The following GOLGA7 variants were observed in gnomAD, a reference collection of about 807,000 sequenced individuals.
GOLGA7 encodes golgin subfamily A member 7.
A neutral mutation model predicts 21.1 loss-of-function variants in GOLGA7; 10 were observed. That is an observed-to-expected ratio of 0.47 (90% CI 0.29 to 0.80). GOLGA7 has a LOEUF of 0.80. GOLGA7 is among the 30% of genes least tolerant of loss of function. GOLGA7 has a pLI of 0.08. For synonymous variants in GOLGA7, 64 were observed against 62.6 expected, an observed-to-expected ratio of 1.02 and a Z score of -0.10; for missense variants, 114 against 166.8, an observed-to-expected ratio of 0.68 and a Z score of 1.74.
chr8:41,497,503 C>T lies in GOLGA7; in HGVS notation c.112-6C>T. 6.9e-7 allele frequency: 1 copy of T among 1,458,304 alleles called. No homozygotes were observed. The allele number at this position is 1,458,304 out of a possible 1,614,324, so 90.3% of individuals were successfully genotyped here. A position where few individuals can be genotyped will look rare whatever the true frequency, so the allele number is the denominator to read the frequency against. On this transcript the variant is annotated splice_region_variant and splice_polypyrimidine_tract_variant and intron_variant, in intron 1 of 4. Coordinates refer to ENST00000357743, the MANE Select transcript of GOLGA7 (RefSeq NM_001002296.2). ...ACTTAATTTTTAAATATTTTCTTCT[C>T]TACAGATTGATAGGCAGCAGTTTGA...
In GOLGA7 at chr8:41,490,936, A is replaced by C. The variant is rs1447396055; in HGVS notation, c.82A>C (p.Thr28Pro). 1 of 1,592,644 alleles carries C rather than the reference A, an allele frequency of 6.3e-7. No homozygotes were observed. Residue 28 changes from threonine (T) to proline (P), a missense_variant, in exon 1 of 5, where the codon ACC (threonine) becomes CCC (proline). By Grantham distance (38) the Thr-to-Pro change is conservative. Transcript: ENST00000357743. ...CAGTGGCACACGCTGCCAGTTCCAG[A>C]CCAAGTTCCCTGCGGAGCTGGAGAA... ...YSSGTRCQFQ[T>P]KFPAELENRI... is the part of the protein sequence containing the mutation.
Position 41,504,475 on chromosome 8 carries a change from G to A in GOLGA7, c.265-1436G>A, listed in dbSNP as rs1806233940. ...GATGATTGACAAACTCTGATGTGAA[G>A]ATAGTGCCTAAGGGGGTTTTTTTGC... On this transcript the variant is annotated intron_variant, in intron 2 of 4. Transcript: ENST00000357743. Among the ~76,000 whole-genome samples the A allele has an allele frequency of 2.0e-5, 3 of 152,280 alleles. No homozygotes were observed. In the South Asian group the frequency reaches 6.2e-4, roughly 32 times the overall value.
chr8:41,499,414 G>A (rs1403081512), intron 2 of GOLGA7, among the ~76,000 whole-genome samples: 2 of 152,226 alleles, frequency 1.3e-5, no homozygotes. Context: ...TGGTGTACCA[G>A]AAGAATCGGA....
At chr8:41,500,695 A>G (rs1293309336) in intron 2 of GOLGA7, among the ~76,000 whole-genome samples, 1 of 152,152 alleles carries the variant, frequency 6.6e-6, no homozygotes, top group African/African-American at 2.4e-5. Context: ...CTCTCAGAGT[A>G]TTGGGATTAA....
At chr8:41,508,311 T>C (rs967074762) in intron 4 of GOLGA7, among the ~76,000 whole-genome samples, 17 of 152,240 alleles carry the variant, frequency 1.1e-4, no homozygotes, top group Non-Finnish European at 2.5e-4. Context: ...TATTCAATCC[T>C]GTAAGCCATG....
intron 2 of GOLGA7, among the ~76,000 whole-genome samples, chr8:41,505,374 A>G (rs1469343860): frequency 2.0e-5 from 3 of 152,242 alleles, no homozygotes; most frequent in African/African-American, 7.2e-5. Flanking sequence ...TACAAAGGAA[A>G]TAAACTTCTT....
At position 41,490,647 on chromosome 8, in the gene GOLGA7, T is replaced by C. The variant is rs891719897; in HGVS notation, c.-208T>C. 7.5e-6 allele frequency: 4 copies of C among 533,450 alleles called. No homozygotes were observed. In the Admixed American group the frequency reaches 1.4e-4, roughly 18 times the overall value. The allele number at this position is 533,450 out of a possible 1,614,324, so 33.0% of individuals were successfully genotyped here. On this transcript the variant is annotated 5_prime_UTR_variant, in exon 1 of 5. Transcript: ENST00000357743. Reference sequence around the variant, plus strand: ...GTGTTTCCCGGGCCGAACCGGGTTGTGGGGGGCGCGGGGCCTGGGCCAGGC... The same window carrying C: ...GTGTTTCCCGGGCCGAACCGGGTTGCGGGGGGCGCGGGGCCTGGGCCAGGC...
chr8:41,500,078 G>A (rs2150442606), intron 2 of GOLGA7, among the ~76,000 whole-genome samples: 1 of 152,316 alleles, frequency 6.6e-6, no homozygotes, highest in South Asian at 2.1e-4. Context: ...AGTAACTATT[G>A]AAAGCCTACT....
chr8:41,490,993 T>A, intron 1 of GOLGA7, 28 bp downstream of exon 1: 1 of 1,254,838 alleles, frequency 8.0e-7, no homozygotes, highest in Non-Finnish European at 1.1e-6. Context: ...CCACGCCTGC[T>A]CTGGCGAGGG....
intron 3 of GOLGA7, 60 bp from the exon 4 acceptor site, chr8:41,506,999 C>A (rs536467737): frequency 3.6e-6 from 3 of 825,866 alleles, no homozygotes; most frequent in East Asian, 2.4e-5. Flanking sequence ...TCCACCTTGC[C>A]AAGTCCCCCT....
rs181389808 is a variant in GOLGA7 at position 41,504,505 on chromosome 8, A to G, written c.265-1406A>G. Among the ~76,000 whole-genome samples the G allele has an allele frequency of 4.5e-4, 69 of 152,314 alleles. No homozygotes were observed. In the East Asian group the frequency reaches 0.011, roughly 25 times the overall value. ...TGCCTAAGGGGGTTTTTTTGCTCAT[A>G]AAGACCAAGCACAGCTAAAATTCTT... On this transcript the variant is annotated intron_variant, in intron 2 of 4. Coordinates refer to ENST00000357743, the MANE Select transcript of GOLGA7 (RefSeq NM_001002296.2).
rs558458851 is a variant in GOLGA7, at chr8:41,491,607, C to T, written c.111+642C>T. ...CAAAATGGTCATCAGGATATAGGTC[C>T]TTTGGGCAACATTGCAGGCAAAAAT... On this transcript the variant is annotated intron_variant, in intron 1 of 4. Coordinates refer to ENST00000357743, the MANE Select transcript of GOLGA7 (RefSeq NM_001002296.2). Among the ~76,000 whole-genome samples the T allele has an allele frequency of 3.9e-5, 6 of 152,044 alleles. No homozygotes were observed. In the South Asian group the frequency reaches 1.2e-3, roughly 32 times the overall value.
intron 1 of GOLGA7, among the ~76,000 whole-genome samples, chr8:41,495,727 T>C (rs1016977951): frequency 2.0e-5 from 3 of 151,668 alleles, no homozygotes; most frequent in African/African-American, 7.3e-5. Context: ...ACGTAAGTAG[T>C]TATTAATTTT....
At chr8:41,494,955 T>TGGATCTTTGGGA (rs1189059326) in intron 1 of GOLGA7, among the ~76,000 whole-genome samples, 9 of 152,096 alleles carry the variant, frequency 5.9e-5, no homozygotes, top group African/African-American at 2.2e-4. Flanking sequence ...CAGGTGCAGG[T>TGGATCTTTGGGA]GGCTCTTTGG....
intron 1 of GOLGA7, among the ~76,000 whole-genome samples, chr8:41,492,093 A>ATGGGCAGCT (rs766237371): frequency 7.9e-4 from 120 of 152,348 alleles, no homozygotes; most frequent in Middle Eastern, 3.4e-3. Context: ...TGACATAACC[A>ATGGGCAGCT]TGGGCAGCTT....
Position 41,507,053 on chromosome 8 carries a change from GT to G in GOLGA7, c.367-3del. 3 of 1,305,436 alleles carry G rather than the reference GT, an allele frequency of 2.3e-6. No homozygotes were observed. Among genetic ancestry groups the G allele is most frequent in the Non-Finnish European group, 3.3e-6 (3 of 898,238 alleles). 80.9% of individuals were successfully genotyped at this position (1,305,436 alleles called of 1,614,324 possible). ...AGTGTGTTTTCTTAACAGCCATGCT[GT>G]TTAGATTGAAATTACCATTTATGAA... On this transcript the variant is annotated splice_region_variant and splice_polypyrimidine_tract_variant and intron_variant, in intron 3 of 4. Transcript: ENST00000357743.
At chr8:41,503,817 C>T (rs1240367014) in intron 2 of GOLGA7, among the ~76,000 whole-genome samples, 4 of 147,324 alleles carry the variant, frequency 2.7e-5, no homozygotes, top group African/African-American at 1.0e-4. Context: ...TTACTGTAGC[C>T]TTGTAGTATA....
intron 2 of GOLGA7, among the ~76,000 whole-genome samples, chr8:41,499,920 A>G (rs1301285453): frequency 6.6e-6 from 1 of 152,000 alleles, no homozygotes; most frequent in Non-Finnish European, 1.5e-5. Flanking sequence ...CTTCCCTTCC[A>G]TATCAATACA....
At chr8:41,493,374 G>C (rs1805931811) in intron 1 of GOLGA7, among the ~76,000 whole-genome samples, 1 of 152,154 alleles carries the variant, frequency 6.6e-6, no homozygotes, top group Non-Finnish European at 1.5e-5. Context: ...ATATGCAAGT[G>C]TTTTGTATTA....
Sources: gnomAD v4.1 joint callset for allele counts (sites outside exome capture counted in the v4.1 genomes callset) on GRCh38, gnomAD v4.1.1 for gene constraint, MANE v1.5 for transcripts, NCBI Gene and HGNC (gene_info 2026-07-23, HGNC 2026-07-21) for gene names.